The following DLGAP2 variants were observed in gnomAD, a reference collection of about 807,000 sequenced individuals.
DLGAP2 encodes disks large-associated protein 2.
Under a neutral mutation model 100.3 loss-of-function variants are expected in DLGAP2, and 26 were observed. The observed-to-expected ratio is 0.26, with a 90% confidence interval of 0.19 to 0.36. The LOEUF (loss-of-function observed/expected upper bound fraction) is 0.36, where lower values mean the gene tolerates loss of function less well. Ranked by LOEUF, DLGAP2 falls within the 10% of genes least tolerant of loss-of-function variation. The pLI, the probability that DLGAP2 is intolerant of heterozygous loss-of-function variation, is 1.00. For missense variants in DLGAP2, 1,858 were observed against 1,453.2 expected (o/e 1.28, Z -4.53); for synonymous variants, 886 against 630.1 (o/e 1.41, Z -6.08).
chr8:1,343,921 G>A (rs534972845), intron 3 of DLGAP2, among the ~76,000 whole-genome samples: 5 of 152,304 alleles, frequency 3.3e-5, no homozygotes, highest in African/African-American at 1.2e-4. Context: ...GCCAGGTGAG[G>A]TATATCAGGG....
At chr8:994,243 C>T (rs1399660595) in intron 2 of DLGAP2, among the ~76,000 whole-genome samples, 1 of 152,158 alleles carries the variant, frequency 6.6e-6, no homozygotes, top group East Asian at 1.9e-4. Context: ...TCTTGTTGCC[C>T]AGGCTGGAGT....
At chr8:759,080 C>CG (rs1820996792) in intron 1 of DLGAP2, among the ~76,000 whole-genome samples, 1 of 16,124 alleles carries the variant, frequency 6.2e-5, no homozygotes, top group African/African-American at 1.6e-4. Flanking sequence ...CAATACCCCC[C>CG]ACAGCCTTCC....
At chr8:1,361,229 G>A (rs753158197) in intron 3 of DLGAP2, among the ~76,000 whole-genome samples, 21 of 152,258 alleles carry the variant, frequency 1.4e-4, no homozygotes, top group East Asian at 1.4e-3. Flanking sequence ...TGGTCCCTGC[G>A]GCAAGGTGAC....
At chr8:1,366,345 G>A (rs1294917206) in intron 3 of DLGAP2, among the ~76,000 whole-genome samples, 1 of 152,224 alleles carries the variant, frequency 6.6e-6, no homozygotes, top group African/African-American at 2.4e-5. Flanking sequence ...GGAATTCCCA[G>A]GCTGGAGGGG....
chr8:1,550,432 C>G (rs1298865275), intron 5 of DLGAP2, among the ~76,000 whole-genome samples: 1 of 152,154 alleles, frequency 6.6e-6, no homozygotes, highest in African/African-American at 2.4e-5. Context: ...TGGGCCATTT[C>G]TTTAAGGCCT....
At chr8:1,596,319 G>T (rs1212671466) in intron 6 of DLGAP2, among the ~76,000 whole-genome samples, 1 of 152,150 alleles carries the variant, frequency 6.6e-6, no homozygotes, top group African/African-American at 2.4e-5. Context: ...TGTGAATAGT[G>T]CTGCAATAAA....
chr8:838,348 C>G (rs1796920665), intron 1 of DLGAP2, among the ~76,000 whole-genome samples: 2 of 151,992 alleles, frequency 1.3e-5, no homozygotes. Context: ...CACACAAATC[C>G]TTATTCACTT....
intron 3 of DLGAP2, among the ~76,000 whole-genome samples, chr8:1,344,473 A>G (rs1411916002): frequency 6.6e-6 from 1 of 152,176 alleles, no homozygotes; most frequent in African/African-American, 2.4e-5. Flanking sequence ...CACCTGTTTG[A>G]CATTAGTTAC....
At chr8:1,355,240 C>T (rs544167645) in intron 3 of DLGAP2, among the ~76,000 whole-genome samples, 3 of 152,392 alleles carry the variant, frequency 2.0e-5, no homozygotes, top group Admixed American at 6.5e-5. Flanking sequence ...CACCTGCGTG[C>T]CAGTGTGCAC....
Position 1,040,302 on chromosome 8 carries a change from C to T in DLGAP2, c.73+132336C>T, listed in dbSNP as rs558225737. Among the ~76,000 whole-genome samples, 111 of 147,712 alleles carry T rather than the reference C, an allele frequency of 7.5e-4. No individual in the cohort carries two copies. In the Middle Eastern group the frequency reaches 0.016, roughly 22 times the overall value. ...GTCAGCTCGGGTTCCGTGGTCAGCT[C>T]GGTGTGCATGGTCGGCTCAGTGTGC... On this transcript the variant is annotated intron_variant, in intron 2 of 14. Coordinates refer to ENST00000637795, the MANE Select transcript of DLGAP2 (RefSeq NM_001346810.2).
intron 2 of DLGAP2, among the ~76,000 whole-genome samples, chr8:913,589 G>T (rs551035559): frequency 1.3e-5 from 2 of 152,298 alleles, no homozygotes; most frequent in South Asian, 4.1e-4. Flanking sequence ...GATGTTACAT[G>T]CCTTTTTATA....
chr8:1,453,829 G>T (rs774139955), intron 3 of DLGAP2, among the ~76,000 whole-genome samples: 2 of 152,188 alleles, frequency 1.3e-5, no homozygotes, highest in African/African-American at 2.4e-5. Flanking sequence ...GAAGAAAAAC[G>T]CCCCCTCATT....
At chr8:760,788 C>T (rs1821060000) in intron 1 of DLGAP2, among the ~76,000 whole-genome samples, 1 of 152,194 alleles carries the variant, frequency 6.6e-6, no homozygotes, top group African/African-American at 2.4e-5. Flanking sequence ...CCTGCTGCTT[C>T]CACAGGTGCT....
At chr8:812,544 C>T (rs775701370) in intron 1 of DLGAP2, among the ~76,000 whole-genome samples, 24 of 152,142 alleles carry the variant, frequency 1.6e-4, no homozygotes, top group Non-Finnish European at 2.1e-4. Context: ...AAGACAGTGT[C>T]ATTAGAGAAG....
At chr8:1,507,590 A>C (rs1394183174) in intron 4 of DLGAP2, among the ~76,000 whole-genome samples, 1 of 152,134 alleles carries the variant, frequency 6.6e-6, no homozygotes, top group African/African-American at 2.4e-5. Flanking sequence ...GGGCTCCTCA[A>C]GTGCGGCCGG....
At chr8:1,482,818 G>T (rs996966629) in intron 3 of DLGAP2, among the ~76,000 whole-genome samples, 7 of 152,254 alleles carry the variant, frequency 4.6e-5, no homozygotes, top group Non-Finnish European at 1.0e-4. Context: ...TGGGACCCTC[G>T]TTCGGGGCAT....
At chr8:1,004,739 T>G (rs571031763) in intron 2 of DLGAP2, among the ~76,000 whole-genome samples, 2 of 152,312 alleles carry the variant, frequency 1.3e-5, no homozygotes, top group Non-Finnish European at 2.9e-5. Context: ...GAGGTCGGCT[T>G]CACACCAGTA....
chr8:1,004,708 T>G (rs528162136), intron 2 of DLGAP2, among the ~76,000 whole-genome samples: 2 of 152,308 alleles, frequency 1.3e-5, no homozygotes. Context: ...CTCCAGTATG[T>G]GCGGCATCTT....
intron 2 of DLGAP2, among the ~76,000 whole-genome samples, chr8:1,057,377 C>T (rs1043958123): frequency 1.3e-5 from 2 of 152,158 alleles, no homozygotes; most frequent in Non-Finnish European, 1.5e-5. Context: ...CATGTTAATC[C>T]AAACATTCAA....
Sources: allele counts gnomAD v4.1 joint callset (sites outside exome capture counted in the v4.1 genomes callset), GRCh38; gene constraint gnomAD v4.1.1; transcripts MANE v1.5; gene names NCBI Gene and HGNC (gene_info 2026-07-23, HGNC 2026-07-21).